RB1: variants seen among roughly 807,000 people sequenced by gnomAD.
RB1 encodes the protein retinoblastoma-associated protein.
Under a neutral mutation model 135.4 loss-of-function variants are expected in RB1, and 18 were observed. The observed-to-expected ratio is 0.13, with a 90% CI of 0.09 to 0.20. The LOEUF (loss-of-function observed/expected upper bound fraction) is 0.20, where lower values mean the gene tolerates loss of function less well. Ranked by LOEUF, RB1 falls within the 10% of genes least tolerant of loss-of-function variation. RB1 has a pLI of 1.00. For synonymous variants in RB1, 365 were observed against 373.2 expected, an observed-to-expected ratio of 0.98 and a Z score of 0.25; for missense variants, 868 against 1,110.0, an observed-to-expected ratio of 0.78 and a Z score of 3.10.
chr13:48,385,074 T>G (rs1311250354), intron 17 of RB1, among the ~76,000 whole-genome samples: 2 of 152,304 alleles, frequency 1.3e-5, no homozygotes, highest in East Asian at 3.9e-4. Flanking sequence ...TTTTCAGAAT[T>G]TATCATATTT....
intron 17 of RB1, among the ~76,000 whole-genome samples, chr13:48,420,699 C>G (rs1271643219): frequency 6.6e-6 from 1 of 152,156 alleles, no homozygotes; most frequent in African/African-American, 2.4e-5. Flanking sequence ...TCTCAGGATA[C>G]AAAATTAATG....
At position 48,372,455 on chromosome 13, in the gene RB1, C is replaced by T. The variant is rs147374623; in HGVS notation, c.1128-950C>T. On this transcript the variant is annotated intron_variant, in intron 11 of 26. Transcript: ENST00000267163. ...GGCGGATCACCTGAGGACAGGAGTT[C>T]GAAACCAGCCTGGGCAACATGGCAA... Among the ~76,000 whole-genome samples the T allele has an allele frequency of 1.2e-4, 18 of 152,002 alleles. No individual in the cohort carries two copies. The East Asian group carries it at 2.9e-3, about 25-fold the overall frequency.
intron 19 of RB1, among the ~76,000 whole-genome samples, chr13:48,458,823 A>AT (rs753181320): frequency 2.0e-5 from 3 of 152,224 alleles, no homozygotes; most frequent in Non-Finnish European, 4.4e-5. Flanking sequence ...TTTCAGTAGT[A>AT]TTTTTTATAA....
At chr13:48,351,339 A>T (rs1479047940) in intron 6 of RB1, among the ~76,000 whole-genome samples, 1 of 151,970 alleles carries the variant, frequency 6.6e-6, no homozygotes, top group Non-Finnish European at 1.5e-5. Context: ...GATCAGTGAT[A>T]TGGAGCTTTT....
intron 26 of RB1, among the ~76,000 whole-genome samples, chr13:48,479,113 G>A (rs1949521525): frequency 6.6e-6 from 1 of 151,954 alleles, no homozygotes; most frequent in Non-Finnish European, 1.5e-5. Context: ...CTGTAGTCTT[G>A]GCTACTGGAG....
At chr13:48,382,773 C>G (rs949536785) in intron 17 of RB1, among the ~76,000 whole-genome samples, 5 of 152,136 alleles carry the variant, frequency 3.3e-5, no homozygotes. Flanking sequence ...CTTGCCCATG[C>G]CGATGTCCTG....
intron 23 of RB1, 91 bp downstream of exon 23, chr13:48,465,459 A>G: frequency 7.8e-7 from 1 of 1,275,174 alleles, no homozygotes; most frequent in Non-Finnish European, 1.1e-6. Context: ...CTTCATTTCA[A>G]ATAAGCTAGA....
chr13:48,406,805 G>C (rs2088571089), intron 17 of RB1: 1 of 152,280 alleles, frequency 6.6e-6, no homozygotes, highest in Non-Finnish European at 1.5e-5. Context: ...TGTAGTCCCA[G>C]CTGCTTGAGA....
intron 17 of RB1, among the ~76,000 whole-genome samples, chr13:48,425,128 C>T (rs1949061097): frequency 6.6e-6 from 1 of 152,062 alleles, no homozygotes. Context: ...CTATTAGTAA[C>T]ACATAGACAT....
At chr13:48,475,756 G>A (rs1183719036) in intron 24 of RB1, among the ~76,000 whole-genome samples, 1 of 152,160 alleles carries the variant, frequency 6.6e-6, no homozygotes, top group Non-Finnish European at 1.5e-5. Flanking sequence ...CCACCACACT[G>A]CCTCAAGTAA....
intron 16 of RB1, among the ~76,000 whole-genome samples, chr13:48,380,535 A>G (rs963792944): frequency 2.8e-4 from 42 of 152,304 alleles, no homozygotes; most frequent in Non-Finnish European, 5.3e-4. Flanking sequence ...TTGAGATTGT[A>G]GAGTGCCAAA....
At chr13:48,310,489 G>A (rs1952121687) in intron 2 of RB1, among the ~76,000 whole-genome samples, 1 of 152,072 alleles carries the variant, frequency 6.6e-6, no homozygotes, top group Admixed American at 6.5e-5. Flanking sequence ...CCTGTAAAAG[G>A]GACTGACAGT....
chr13:48,410,781 GC>G (rs1218897357), intron 17 of RB1, among the ~76,000 whole-genome samples: 14 of 152,026 alleles, frequency 9.2e-5, no homozygotes, highest in Admixed American at 2.6e-4. Context: ...TCTACAAATT[GC>G]CTACACAGAC....
chr13:48,444,710 T>C (rs1284187015), intron 17 of RB1: 1 of 152,230 alleles, frequency 6.6e-6, no homozygotes, highest in Non-Finnish European at 1.5e-5. Context: ...ATCCAGTTTT[T>C]ATGATGTCAG....
At position 48,347,866 on chromosome 13, in the gene RB1, AAGT is replaced by A; in HGVS notation, c.539+7_539+9del. On this transcript the variant is annotated splice_donor_5th_base_variant and intron_variant, in intron 5 of 26. Coordinates refer to ENST00000267163, the MANE Select transcript of RB1 (RefSeq NM_000321.3). ...TATTTGACACAACCCAGCAGTTCGT[AAGT>A]AGTTCACAGAATGTTATTTTTCACT... The A allele has an allele frequency of 1.3e-6, 2 of 1,581,338 alleles. No homozygotes were observed. Among genetic ancestry groups the A allele is most frequent in the Non-Finnish European group, 1.7e-6 (2 of 1,151,602 alleles).
Position 48,481,339 on chromosome 13 carries a change from G to A in RB1, c.*1268G>A, listed in dbSNP as rs571383547. The A allele has an allele frequency of 3.0e-5, 7 of 231,980 alleles. No homozygotes were observed. In the South Asian group the frequency reaches 1.3e-3, roughly 42 times the overall value. The allele number at this position is 231,980 out of a possible 1,614,324, so 14.4% of individuals were successfully genotyped here. A position where few individuals can be genotyped will look rare whatever the true frequency, so the allele number is the denominator to read the frequency against. ...TTAAAACAGCTGCATTAGAAAAAGA[G>A]GCGCTTCTCCCCTCCCCTACACCTA... On this transcript the variant is annotated 3_prime_UTR_variant, in exon 27 of 27. Coordinates refer to ENST00000267163, the MANE Select transcript of RB1 (RefSeq NM_000321.3).
intron 13 of RB1, among the ~76,000 whole-genome samples, chr13:48,378,715 T>C (rs551151090): frequency 5.3e-5 from 8 of 152,296 alleles, no homozygotes; most frequent in African/African-American, 1.9e-4. Flanking sequence ...TATACTTTTA[T>C]ATGACTGGCA....
intron 17 of RB1, among the ~76,000 whole-genome samples, chr13:48,405,282 A>G (rs1255839916): frequency 6.6e-6 from 1 of 152,232 alleles, no homozygotes; most frequent in Non-Finnish European, 1.5e-5. Flanking sequence ...GTGGGAATTT[A>G]ACAAATACAG....
chr13:48,348,038 A>G (rs779590941), intron 5 of RB1, among the ~76,000 whole-genome samples, 175 bp downstream of exon 5: 5 of 152,006 alleles, frequency 3.3e-5, no homozygotes, highest in Non-Finnish European at 4.4e-5. Flanking sequence ...AGAAAATAGT[A>G]TAAAATACAT....
Sources: allele counts gnomAD v4.1 joint callset (sites outside exome capture counted in the v4.1 genomes callset), GRCh38; gene constraint gnomAD v4.1.1; transcripts MANE v1.5; gene names NCBI Gene and HGNC (gene_info 2026-07-23, HGNC 2026-07-21).